Variants in CTDP1 observed in about 807,000 individuals in gnomAD.
CTDP1 encodes the protein CTD phosphatase 1.
A neutral mutation model predicts 91.8 loss-of-function variants in CTDP1; 47 were observed. That is an observed-to-expected ratio of 0.51 (90% CI 0.41 to 0.65). The LOEUF (loss-of-function observed/expected upper bound fraction) is 0.65, where lower values mean the gene tolerates loss of function less well. Ranked by LOEUF, CTDP1 falls within the 30% of genes least tolerant of loss-of-function variation. CTDP1 has a pLI of 0.00. For missense variants in CTDP1, 1,272 were observed against 1,373.7 expected (o/e 0.93, Z 1.17); for synonymous variants, 656 against 598.5 (o/e 1.10, Z -1.40).
chr18:79,723,475 C>G (rs959546108), intron 10 of CTDP1, among the ~76,000 whole-genome samples: 1 of 152,216 alleles, frequency 6.6e-6, no homozygotes, highest in Non-Finnish European at 1.5e-5. Flanking sequence ...TCATCTAAGT[C>G]TTTGAACGTT....
chr18:79,677,204 C>T (rs1385162059), upstream of CTDP1: 2 of 152,254 alleles, frequency 1.3e-5, no homozygotes, highest in Non-Finnish European at 2.9e-5. Context: ...GCCCTTGGCC[C>T]CCCTACTTTC....
At chr18:79,695,109 A>G in intron 1 of CTDP1, 116 bp from the exon 2 acceptor site, 4 of 900,478 alleles carry the variant, frequency 4.4e-6, no homozygotes, top group Non-Finnish European at 7.3e-6. Flanking sequence ...CTACAAAGTT[A>G]TGCAAGGGTT....
At chr18:79,709,007 A>G (rs1445922554) in intron 5 of CTDP1, among the ~76,000 whole-genome samples, 1 of 152,262 alleles carries the variant, frequency 6.6e-6, no homozygotes, top group Non-Finnish European at 1.5e-5. Context: ...AGGTATGTGC[A>G]GATTTATGGC....
intron 5 of CTDP1, among the ~76,000 whole-genome samples, chr18:79,708,361 TGCA>T (rs1418030942): frequency 6.6e-6 from 1 of 152,250 alleles, no homozygotes; most frequent in Non-Finnish European, 1.5e-5. Context: ...GAGGTGGTGG[TGCA>T]GAGGTTGAGC....
chr18:79,693,624 C>T (rs1326216193), intron 1 of CTDP1, among the ~76,000 whole-genome samples: 3 of 152,160 alleles, frequency 2.0e-5, no homozygotes, highest in Non-Finnish European at 4.4e-5. Flanking sequence ...TGTGTACGCA[C>T]AGGCCCAGGA....
At chr18:79,705,683 T>C (rs200256349) in intron 5 of CTDP1, among the ~76,000 whole-genome samples, 4 of 152,362 alleles carry the variant, frequency 2.6e-5, no homozygotes, top group Admixed American at 2.6e-4. Flanking sequence ...CGAGTGGCAG[T>C]GTAGGCAAGC....
At chr18:79,695,142 C>G (rs549555636) in intron 1 of CTDP1, 83 bp from the exon 2 acceptor site, 1 of 1,319,260 alleles carries the variant, frequency 7.6e-7, no homozygotes, top group East Asian at 2.3e-5. Context: ...GTACAAAAAC[C>G]TAGATTTTAA....
At chr18:79,737,089 G>A (rs1191250652) in intron 12 of CTDP1, among the ~76,000 whole-genome samples, 4 of 152,246 alleles carry the variant, frequency 2.6e-5, no homozygotes, top group South Asian at 2.1e-4. Flanking sequence ...CTGTGGGTGG[G>A]AAGAGCTGAG....
At chr18:79,747,748 C>A (rs950714306) in intron 12 of CTDP1, among the ~76,000 whole-genome samples, 1 of 152,220 alleles carries the variant, frequency 6.6e-6, no homozygotes, top group South Asian at 2.1e-4. Flanking sequence ...TTTTTAGTGA[C>A]GTGGCGGCCT....
In CTDP1 at chr18:79,713,195, T is replaced by A; in HGVS notation, c.1030+57T>A. On this transcript the variant is annotated intron_variant, in intron 7 of 12. Coordinates refer to ENST00000613122, the MANE Select transcript of CTDP1 (RefSeq NM_004715.5). This position sits in a 1 kb window ranked among gnomAD's most constrained non-coding sequence, Gnocchi z 4.7. ...AATTCACATTTGCTTATTGTTTAGC[T>A]CTTCTTATTTCTTATCTCTGTTTTG... 6.7e-7 allele frequency: 1 copy of A among 1,503,356 alleles called. No homozygotes were observed. The highest frequency in any genetic ancestry group is 1.8e-5 in the Admixed American group (1 of 54,112). The allele number at this position is 1,503,356 out of a possible 1,614,324, so 93.1% of individuals were successfully genotyped here.
chr18:79,682,351 G>A (rs574879700), intron 1 of CTDP1, among the ~76,000 whole-genome samples: 1 of 152,218 alleles, frequency 6.6e-6, no homozygotes, highest in Non-Finnish European at 1.5e-5. Context: ...CGTTTCTCTG[G>A]CAGCACCCCT....
At chr18:79,704,432 G>A (rs548972839) in intron 4 of CTDP1, among the ~76,000 whole-genome samples, 6 of 151,512 alleles carry the variant, frequency 4.0e-5, no homozygotes, top group South Asian at 2.1e-4. Context: ...CCTCTGTCCC[G>A]TGTGGAGGGG....
chr18:79,691,481 A>G (rs1241321571), intron 1 of CTDP1, among the ~76,000 whole-genome samples: 1 of 151,402 alleles, frequency 6.6e-6, no homozygotes, highest in Non-Finnish European at 1.5e-5. Flanking sequence ...GGAACAGTGG[A>G]CAGCTCCCAG....
chr18:79,728,865 G>A (rs1232194355), intron 10 of CTDP1, 42 bp from the exon 11 acceptor site: 46 of 1,611,148 alleles, frequency 2.9e-5, no homozygotes, highest in African/African-American at 5.3e-5. Context: ...AGTGCCATTC[G>A]AACTGACCTT....
At chr18:79,717,434 T>A (rs113618292) in intron 8 of CTDP1, 101 bp from the exon 9 acceptor site, 1 of 1,531,390 alleles carries the variant, frequency 6.5e-7, no homozygotes, top group South Asian at 1.1e-5. Flanking sequence ...TGAGCCCTGG[T>A]GGGGTACAGC....
Position 79,717,963 on chromosome 18 carries a change from G to A in CTDP1, c.2364G>A (p.Gly788=), listed in dbSNP as rs1310328732. Residue 788 remains glycine (G), a synonymous_variant, in exon 10 of 13, where the codon GGG becomes GGA. Coordinates refer to ENST00000613122, the MANE Select transcript of CTDP1 (RefSeq NM_004715.5). ...TGKLIRTGAR[G]PPAPSSSLPI... is the part of the protein sequence containing the mutation. ...AGCTCATCAGGACGGGCGCCCGGGG[G>A]CCCCCAGCACCCTCCAGCTCCCTAC... The A allele has an allele frequency of 4.3e-6, 7 of 1,613,366 alleles. No individual in the cohort carries two copies. The highest frequency in any genetic ancestry group is 4.2e-6 in the Non-Finnish European group (5 of 1,179,964).
intron 8 of CTDP1, among the ~76,000 whole-genome samples, chr18:79,715,988 G>C (rs576809033): frequency 6.6e-6 from 1 of 152,352 alleles, no homozygotes; most frequent in Admixed American, 6.5e-5. Flanking sequence ...TCTCCCGACG[G>C]TGAAACCTGT....
upstream of CTDP1, chr18:79,679,770 G>T: frequency 1.7e-6 from 1 of 571,636 alleles, no homozygotes; most frequent in South Asian, 2.0e-5. Flanking sequence ...GCACGTACGC[G>T]GCGCCCTTGC....
intron 3 of CTDP1, among the ~76,000 whole-genome samples, chr18:79,697,341 G>A (rs1363069503): frequency 1.3e-5 from 2 of 152,188 alleles, no homozygotes; most frequent in South Asian, 2.1e-4. Flanking sequence ...CCGGGCCCTT[G>A]TTAGGAGCTC....
Sources: gnomAD v4.1 joint callset for allele counts (sites outside exome capture counted in the v4.1 genomes callset) on GRCh38, gnomAD v4.1.1 for gene constraint, Gnocchi (gnomAD v3.1) non-coding constraint, MANE v1.5 for transcripts, NCBI Gene and HGNC (gene_info 2026-07-23, HGNC 2026-07-21) for gene names.